The following COL11A2 variants were observed in gnomAD, a reference collection of about 807,000 sequenced individuals.
The protein encoded by COL11A2 is collagen alpha-2(XI) chain.
A neutral mutation model predicts 273.4 loss-of-function variants in COL11A2; 116 were observed. That is an observed-to-expected ratio of 0.42 (90% CI 0.36 to 0.49). The LOEUF (loss-of-function observed/expected upper bound fraction) is 0.49. Among genes scored for constraint, COL11A2 ranks in the 20% least tolerant of loss-of-function variants. The pLI is 0.00. For synonymous variants in COL11A2, 782 were observed against 864.2 expected, an observed-to-expected ratio of 0.90 and a Z score of 1.67; for missense variants, 1,866 against 2,309.0, an observed-to-expected ratio of 0.81 and a Z score of 3.93.
In COL11A2 at chr6:33,189,108, T is replaced by C; in HGVS notation, c.313A>G (p.Ser105Gly). The C allele has an allele frequency of 1.2e-6, 2 of 1,614,094 alleles. No individual in the cohort carries two copies. The highest frequency in any genetic ancestry group is 2.2e-5 in the East Asian group (1 of 44,878). Residue 105 changes from serine to glycine, a missense_variant, in exon 3 of 66, where the codon AGT becomes GGT. Ser to Gly is a moderately conservative substitution (Grantham distance 56). Transcript: ENST00000341947. The surrounding 1 kb of genome is among the most constrained non-coding windows in gnomAD (Gnocchi z 5.6). ...CCCAGCTGTCGGACACCCTGGGCACTGTAGAGAGTCAGGAGGGGAGCTTGG... is the reference window on the plus strand; with the variant it reads ...CCCAGCTGTCGGACACCCTGGGCACCGTAGAGAGTCAGGAGGGGAGCTTGG... ...GLQAPLLTLY[S>G]AQGVRQLGLE...
chr6:33,189,416 C>G lies in COL11A2; in HGVS notation c.136G>C (p.Gly46Arg). 1 of 1,613,138 alleles carries G rather than the reference C, an allele frequency of 6.2e-7. No individual in the cohort carries two copies. ...RALRFPSLPD[G>R]VRRAKGICPA... ...CAGATGCCTTTCGCTCTCCGGACAC[C>G]ATCAGGGAGGGAGGGGAACCTCAGG... is the stretch of plus-strand genomic sequence containing the variant. Residue 46 changes from glycine to arginine, a missense_variant, in exon 2 of 66, where the codon GGT becomes CGT. Transcript: ENST00000341947. This position sits in a 1 kb window ranked among gnomAD's most constrained non-coding sequence, Gnocchi z 5.6.
chr6:33,172,723 C>T lies in COL11A2; in HGVS notation c.2791-86G>A, dbSNP rs927962957. On this transcript the variant is annotated intron_variant, in intron 38 of 65. Transcript: ENST00000341947. ...AGCCCACCCTGGCCACCCTAAAACA[C>T]TCCTTCAGAACCCCTTTATCCCTGC... is the stretch of plus-strand genomic sequence containing the variant. 5.2e-6 allele frequency: 6 copies of T among 1,159,748 alleles called. No homozygotes were observed. In the African/African-American group the frequency reaches 6.1e-5, roughly 12 times the overall value. 71.8% of individuals were successfully genotyped at this position (1,159,748 alleles called of 1,614,324 possible). A position where few individuals can be genotyped will look rare whatever the true frequency, so the allele number is the denominator to read the frequency against.
upstream of COL11A2, among the ~76,000 whole-genome samples, chr6:33,193,189 G>C (rs1773380038): frequency 6.6e-6 from 1 of 152,074 alleles, no homozygotes; most frequent in Non-Finnish European, 1.5e-5. Flanking sequence ...GGCCGCCTCC[G>C]GGCGGGCAAC....
At chr6:33,168,239 G>A (rs1447828457) in intron 54 of COL11A2, among the ~76,000 whole-genome samples, 5 of 151,824 alleles carry the variant, frequency 3.3e-5, no homozygotes, top group African/African-American at 4.8e-5. Context: ...AAACATGCCC[G>A]AGATACCGCA....
In COL11A2 at chr6:33,180,512, C is replaced by T. The variant is rs536240097; in HGVS notation, c.1284+156G>A. Among the ~76,000 whole-genome samples, 3 of 152,322 alleles carry T rather than the reference C, an allele frequency of 2.0e-5. No homozygotes were observed. The South Asian group carries it at 6.2e-4, about 32-fold the overall frequency. On this transcript the variant is annotated intron_variant, in intron 11 of 65. Transcript: ENST00000341947. ...AAACCAGATCAGCACCCTCCCCAAC[C>T]AGAGTCTGCCCTCCTTTCTGGTTGC...
chr6:33,172,343 A>C lies in COL11A2; in HGVS notation c.2934T>G (p.Asp978Glu), dbSNP rs1186811328. Reference sequence around the variant, plus strand: ...GGAATCCCCTCAGACCAGCAGGACCATCCTTCCCTGGGGCCCCAGGGGGAC... The same window carrying C: ...GGAATCCCCTCAGACCAGCAGGACCCTCCTTCCCTGGGGCCCCAGGGGGAC... ...DPGPPGAPGK[D>E]GPAGLRGFPG... Residue 978 changes from aspartate to glutamate, a missense_variant, in exon 40 of 66, where the codon GAT (aspartate) becomes GAG (glutamate). Physicochemically the swap from Asp to Glu is conservative, Grantham distance 45 (BLOSUM62 2). Transcript: ENST00000341947. 1 of 1,589,664 alleles carries C rather than the reference A, an allele frequency of 6.3e-7. No individual in the cohort carries two copies. The highest frequency in any genetic ancestry group is 8.6e-7 in the Non-Finnish European group (1 of 1,169,004).
chr6:33,174,689 C>A, intron 30 of COL11A2, 109 bp from the exon 31 acceptor site: 1 of 957,056 alleles, frequency 1.0e-6, no homozygotes, highest in Non-Finnish European at 1.6e-6. Flanking sequence ...CAGCAACACA[C>A]CCCACACACC....
At chr6:33,191,115 C>T (rs1046348992) in intron 1 of COL11A2, among the ~76,000 whole-genome samples, 9 of 152,162 alleles carry the variant, frequency 5.9e-5, no homozygotes, top group African/African-American at 2.2e-4. Flanking sequence ...CTTAGCCATC[C>T]CCCTGCCTCC....
chr6:33,171,105 G>T lies in COL11A2; in HGVS notation c.3366+9C>A, dbSNP rs754946432. ...CTGGGCCTTCGGTGGGGGTGGAGGG[G>T]TCACTCACCGCTGCTCCAGGCTGCC... On this transcript the variant is annotated intron_variant, in intron 45 of 65. Coordinates refer to ENST00000341947, the MANE Select transcript of COL11A2 (RefSeq NM_080680.3). 1.8e-5 allele frequency: 29 copies of T among 1,575,406 alleles called. No individual in the cohort carries two copies. Among genetic ancestry groups the T allele is most frequent in the South Asian group, 4.6e-5 (4 of 87,596 alleles).
chr6:33,170,015 A>G lies in COL11A2; in HGVS notation c.3636+32T>C, dbSNP rs530689722. ...AATCCAACTCCCATCCCCCACTTCC[A>G]TGACTGGTCCACTCACCCCCTTCCC... On this transcript the variant is annotated intron_variant, in intron 49 of 65. Coordinates refer to ENST00000341947, the MANE Select transcript of COL11A2 (RefSeq NM_080680.3). This position sits in a 1 kb window ranked among gnomAD's most constrained non-coding sequence, Gnocchi z 4.3. 78 of 1,612,932 alleles carry G rather than the reference A, an allele frequency of 4.8e-5. No homozygotes were observed. The East Asian group carries it at 1.7e-3, about 35-fold the overall frequency.
Position 33,169,559 on chromosome 6 carries a change from C to A in COL11A2, c.3691-69G>T, listed in dbSNP as rs1562322729. ...AGATCAGGGATGCAGCCTCTGCTTC[C>A]GAGACACCTTCAGCCATCCCCTACT... On this transcript the variant is annotated intron_variant, in intron 50 of 65. Transcript: ENST00000341947. This position sits in a 1 kb window ranked among gnomAD's most constrained non-coding sequence, Gnocchi z 5.5. 1 of 1,475,280 alleles carries A rather than the reference C, an allele frequency of 6.8e-7. No homozygotes were observed. The highest frequency in any genetic ancestry group is 9.4e-7 in the Non-Finnish European group (1 of 1,060,882). 91.4% of individuals were successfully genotyped at this position (1,475,280 alleles called of 1,614,324 possible).
intron 30 of COL11A2, among the ~76,000 whole-genome samples, chr6:33,175,137 G>T (rs1770712004): frequency 6.6e-6 from 1 of 152,206 alleles, no homozygotes; most frequent in South Asian, 2.1e-4. Context: ...CTGTGCCTCT[G>T]TAAAACCTCA....
chr6:33,187,910 T>C (rs1039301210), intron 4 of COL11A2, among the ~76,000 whole-genome samples: 1 of 151,408 alleles, frequency 6.6e-6, no homozygotes, highest in African/African-American at 2.4e-5. Context: ...GGTGGAAGCA[T>C]AGATGGGTGG....
Position 33,190,773 on chromosome 6 carries a change from G to A in COL11A2, c.83-1304C>T, listed in dbSNP as rs894524616. Among the ~76,000 whole-genome samples, 1 of 152,078 alleles carries A rather than the reference G, an allele frequency of 6.6e-6. No individual in the cohort carries two copies. Among genetic ancestry groups the A allele is most frequent in the Admixed American group, 6.5e-5 (1 of 15,272 alleles). Reference sequence around the variant, plus strand: ...CCGCTTTGAGAGACGAAGGGTGAGTGAGACAGAGACACAGAGACTCACAGA... The same window carrying A: ...CCGCTTTGAGAGACGAAGGGTGAGTAAGACAGAGACACAGAGACTCACAGA... On this transcript the variant is annotated intron_variant, in intron 1 of 65. Transcript: ENST00000341947. This position sits in a 1 kb window ranked among gnomAD's most constrained non-coding sequence, Gnocchi z 4.5.
Position 33,163,543 on chromosome 6 carries a change from G to T in COL11A2, c.*135C>A. 1 of 1,426,502 alleles carries T rather than the reference G, an allele frequency of 7.0e-7. No individual in the cohort carries two copies. The highest frequency in any genetic ancestry group is 1.2e-5 in the South Asian group (1 of 85,018). 88.4% of individuals were successfully genotyped at this position (1,426,502 alleles called of 1,614,324 possible). A position where few individuals can be genotyped will look rare whatever the true frequency, so the allele number is the denominator to read the frequency against. On this transcript the variant is annotated 3_prime_UTR_variant, in exon 66 of 66. Transcript: ENST00000341947. The surrounding 1 kb of genome is among the most constrained non-coding windows in gnomAD (Gnocchi z 4.1). ...CTTCACCCCTCCCCTGGCCTGCCCC[G>T]ACTGAGGGCTCTCCACGCCCTGGCC...
At chr6:33,185,173 A>T in intron 6 of COL11A2, 119 bp from the exon 7 acceptor site, 1 of 761,218 alleles carries the variant, frequency 1.3e-6, no homozygotes, top group Non-Finnish European at 2.3e-6. Context: ...GTGCTGGGGG[A>T]TGGGGGAAAT....
intron 29 of COL11A2, 53 bp from the exon 30 acceptor site, chr6:33,175,734 GC>G: frequency 6.5e-7 from 1 of 1,543,716 alleles, no homozygotes; most frequent in Admixed American, 1.7e-5. Flanking sequence ...TGGGCTCTGG[GC>G]CCAGAGGAGA....
Position 33,167,635 on chromosome 6 carries a change from C to T in COL11A2, c.4015-102G>A, listed in dbSNP as rs1769361713. 12 of 1,484,386 alleles carry T rather than the reference C, an allele frequency of 8.1e-6. No homozygotes were observed. Among genetic ancestry groups the T allele is most frequent in the Non-Finnish European group, 1.0e-5 (11 of 1,076,512 alleles). 92.0% of individuals were successfully genotyped at this position (1,484,386 alleles called of 1,614,324 possible). A position where few individuals can be genotyped will look rare whatever the true frequency, so the allele number is the denominator to read the frequency against. ...GAGGCAGGAGGCAGGGAGGAAGGGC[C>T]AAACTCTAGGAGCCCCTAGCGCAGG... On this transcript the variant is annotated intron_variant, in intron 55 of 65. Coordinates refer to ENST00000341947, the MANE Select transcript of COL11A2 (RefSeq NM_080680.3). This position sits in a 1 kb window ranked among gnomAD's most constrained non-coding sequence, Gnocchi z 6.1.
At chr6:33,186,441 C>T in intron 5 of COL11A2, 186 bp downstream of exon 5, 1 of 1,443,170 alleles carries the variant, frequency 6.9e-7, no homozygotes, top group Non-Finnish European at 9.1e-7. Context: ...CTCCCAGCCA[C>T]AAATTCTTCA....
Sources: allele counts gnomAD v4.1 joint callset (sites outside exome capture counted in the v4.1 genomes callset), GRCh38; gene constraint gnomAD v4.1.1; non-coding constraint Gnocchi (gnomAD v3.1); transcripts MANE v1.5; gene names NCBI Gene and HGNC (gene_info 2026-07-23, HGNC 2026-07-21).